FAAH2: variants seen among roughly 807,000 people sequenced by gnomAD.
The protein encoded by FAAH2 is fatty acid amide hydrolase 2.
A neutral mutation model predicts 36.9 loss-of-function variants in FAAH2; 60 were observed. The ratio of observed to expected loss-of-function variants is 1.63; its 90% confidence interval spans 1.32 to 2.02. The LOEUF (loss-of-function observed/expected upper bound fraction) is 2.02, where lower values mean the gene tolerates loss of function less well. Among genes scored for constraint, FAAH2 ranks in the 30% most tolerant of loss-of-function variants. The pLI is 0.00. For synonymous variants in FAAH2, 214 were observed against 143.8 expected, an observed-to-expected ratio of 1.49 and a Z score of -3.49; for missense variants, 689 against 397.5, an observed-to-expected ratio of 1.73 and a Z score of -6.23.
At chrX:57,421,391 G>C (rs1430439150) in intron 7 of FAAH2, among the ~76,000 whole-genome samples, 3 of 112,099 alleles carry the variant, frequency 2.7e-5, no homozygotes, top group Non-Finnish European at 5.6e-5. Flanking sequence ...GGTGGCGGTT[G>C]CAGTGACCCA....
intron 7 of FAAH2, among the ~76,000 whole-genome samples, chrX:57,403,511 G>A (rs749032649): frequency 2.8e-4 from 32 of 112,767 alleles, no homozygotes; most frequent in African/African-American, 9.3e-4. Context: ...TAACCCATTT[G>A]CCCCATCAAG....
At chrX:57,312,438 C>T (rs144133898) in intron 3 of FAAH2, among the ~76,000 whole-genome samples, 1,160 of 110,962 alleles carry the variant, frequency 0.01, 13 homozygotes, top group African/African-American at 0.036. Context: ...TTTGGGAGGC[C>T]GAGGCAGGTG....
the FAAH2 span, among the ~76,000 whole-genome samples, chrX:57,123,667 G>A: frequency 8.9e-6 from 1 of 112,078 alleles, no homozygotes; most frequent in African/African-American, 3.2e-5. Flanking sequence ...AGCACCTGTT[G>A]TTTCCTTACT....
rs755001983 is a variant in FAAH2, at chrX:57,323,248, G to T, written c.413-8350G>T. 7.2e-5 allele frequency among the ~76,000 whole-genome samples: 8 copies of T among 111,592 alleles called. No individual in the cohort carries two copies. The South Asian group carries it at 3.0e-3, about 42-fold the overall frequency. The stretch of plus-strand genomic sequence containing the variant: ...CAGTCTATCATTGTTGGACATTTGG[G>T]TTGGTTCCAAGTCTTTGCTATTGTG... On this transcript the variant is annotated intron_variant, in intron 3 of 10. Coordinates refer to ENST00000374900, the MANE Select transcript of FAAH2 (RefSeq NM_174912.4).
At chrX:57,384,709 A>T (rs2054966005) in intron 7 of FAAH2, among the ~76,000 whole-genome samples, 1 of 111,310 alleles carries the variant, frequency 9.0e-6, no homozygotes, top group African/African-American at 3.3e-5. Flanking sequence ...AAATAGGAAC[A>T]CTTTTACACT....
chrX:57,405,157 A>T lies in FAAH2; in HGVS notation c.996+24128A>T, dbSNP rs139483874. On this transcript the variant is annotated intron_variant, in intron 7 of 10. Coordinates refer to ENST00000374900, the MANE Select transcript of FAAH2 (RefSeq NM_174912.4). ...ACAGAATAGCAAGCAAAAGTAGTCC[A>T]ATATTACTCACCACTTTGGAGGTCC... Among the ~76,000 whole-genome samples, 429 of 111,783 alleles carry T rather than the reference A, an allele frequency of 3.8e-3. 2 individuals carry two copies. Among genetic ancestry groups the T allele is most frequent in the African/African-American group, 0.013 (413 of 30,749 alleles).
intron 8 of FAAH2, among the ~76,000 whole-genome samples, chrX:57,437,966 C>A (rs1031503496): frequency 9.9e-6 from 1 of 100,714 alleles, no homozygotes; most frequent in Non-Finnish European, 2.0e-5. Flanking sequence ...TATATACATA[C>A]GTATATGTAT....
intron 10 of FAAH2, chrX:57,452,096 C>T (rs1027959470): frequency 1.4e-6 from 1 of 694,015 alleles, no homozygotes; most frequent in Non-Finnish European, 1.7e-6. Flanking sequence ...ACAAAAGTGG[C>T]CTTTCACTGG....
At chrX:57,485,622 A>G (rs1051713016) in intron 10 of FAAH2, among the ~76,000 whole-genome samples, 2 of 111,804 alleles carry the variant, frequency 1.8e-5, no homozygotes, top group African/African-American at 6.5e-5. Flanking sequence ...GACCTTCTTC[A>G]TTATTTTTTC....
chrX:57,254,244 C>T, the FAAH2 span, among the ~76,000 whole-genome samples: 1 of 111,881 alleles, frequency 8.9e-6, no homozygotes, highest in South Asian at 3.7e-4. Flanking sequence ...TATATATGCA[C>T]CCAATACAGG....
chrX:57,377,325 A>G (rs1199008304), intron 5 of FAAH2, among the ~76,000 whole-genome samples: 1 of 112,240 alleles, frequency 8.9e-6, no homozygotes, highest in Admixed American at 9.4e-5. Context: ...ATTTTTGTAT[A>G]AGGTGTAGGA....
chrX:57,394,028 TTGTC>T (rs1386983674), intron 7 of FAAH2: 2 of 763,853 alleles, frequency 2.6e-6, no homozygotes, highest in Non-Finnish European at 4.1e-6. Context: ...AAAGGTAGCC[TTGTC>T]TGTCTGGGTC....
intron 10 of FAAH2, among the ~76,000 whole-genome samples, chrX:57,483,200 C>T (rs1443693303): frequency 9.0e-6 from 1 of 111,044 alleles, no homozygotes; most frequent in Non-Finnish European, 1.9e-5. Context: ...AGACTTTGTT[C>T]CATTTTTTAA....
At chrX:57,324,064 G>A (rs1373838770) in intron 3 of FAAH2, among the ~76,000 whole-genome samples, 4 of 111,894 alleles carry the variant, frequency 3.6e-5, no homozygotes, top group Non-Finnish European at 7.5e-5. Context: ...CTTATGGCTA[G>A]CCAGTTTTCC....
the FAAH2 span, among the ~76,000 whole-genome samples, chrX:57,175,026 T>A: frequency 9.0e-6 from 1 of 111,675 alleles, no homozygotes; most frequent in Non-Finnish European, 1.9e-5. Context: ...AAATGTTATG[T>A]GTGGTGATAA....
At chrX:57,337,605 T>C (rs894960663) in intron 4 of FAAH2, among the ~76,000 whole-genome samples, 3 of 111,961 alleles carry the variant, frequency 2.7e-5, no homozygotes, top group Non-Finnish European at 5.6e-5. Context: ...GCTGAACATA[T>C]GCAAATCAAT....
At chrX:57,170,463 G>T in the FAAH2 span, among the ~76,000 whole-genome samples, 1 of 111,021 alleles carries the variant, frequency 9.0e-6, no homozygotes, top group African/African-American at 3.3e-5. Flanking sequence ...GTAACTGTAG[G>T]GGTACAAGTG....
chrX:57,248,170 A>G, the FAAH2 span, among the ~76,000 whole-genome samples: 1 of 112,443 alleles, frequency 8.9e-6, no homozygotes, highest in African/African-American at 3.2e-5. Context: ...TGACATTTAG[A>G]TAAGTTGGGT....
the FAAH2 span, among the ~76,000 whole-genome samples, chrX:57,158,164 CA>C: frequency 1.8e-5 from 2 of 111,737 alleles, no homozygotes; most frequent in Non-Finnish European, 3.8e-5. Flanking sequence ...CATGTCCCTA[CA>C]AAGGACATGA....
Sources: allele counts gnomAD v4.1 joint callset (sites outside exome capture counted in the v4.1 genomes callset), GRCh38; gene constraint gnomAD v4.1.1; transcripts MANE v1.5; gene names NCBI Gene and HGNC (gene_info 2026-07-23, HGNC 2026-07-21).